PTPRG: variants seen among roughly 807,000 people sequenced by gnomAD.
PTPRG encodes protein tyrosine phosphatase receptor type G.
In PTPRG, 102 loss-of-function variants were observed where a neutral mutation model predicts 165.3. The observed-to-expected ratio is 0.62, with a 90% CI of 0.53 to 0.73. PTPRG has a LOEUF of 0.73. Among genes scored for constraint, PTPRG ranks in the 30% least tolerant of loss-of-function variants. The pLI is 0.00. For missense variants in PTPRG, 1,866 were observed against 1,861.4 expected (o/e 1.00, Z -0.05); for synonymous variants, 675 against 669.5 (o/e 1.01, Z -0.13).
rs1266402052 is a variant in PTPRG, at chr3:62,195,745, C to A, written c.1327+575C>A. On this transcript the variant is annotated intron_variant, in intron 10 of 29. Coordinates refer to ENST00000474889, the MANE Select transcript of PTPRG (RefSeq NM_002841.4). This position sits in a 1 kb window ranked among gnomAD's most constrained non-coding sequence, Gnocchi z 4.4. ...CCTTTGCTCAAAATTTTAAGGGGCA[C>A]CAAAAAATTGAGTGACCAAGAGACA... 6.6e-6 allele frequency among the ~76,000 whole-genome samples: 1 copy of A among 151,946 alleles called. No individual in the cohort carries two copies. Among genetic ancestry groups the A allele is most frequent in the African/African-American group, 2.4e-5 (1 of 41,372 alleles).
chr3:62,112,925 G>A (rs1410426989), intron 5 of PTPRG, among the ~76,000 whole-genome samples: 1 of 152,126 alleles, frequency 6.6e-6, no homozygotes, highest in East Asian at 1.9e-4. Flanking sequence ...GGTCACTTTG[G>A]GGTGTATGTC....
At chr3:62,168,715 G>C (rs1705095421) in intron 8 of PTPRG, among the ~76,000 whole-genome samples, 1 of 152,182 alleles carries the variant, frequency 6.6e-6, no homozygotes, top group South Asian at 2.1e-4. Flanking sequence ...ATGTGTCTGT[G>C]ACTCCTGAAG....
intron 4 of PTPRG, among the ~76,000 whole-genome samples, chr3:62,004,280 T>C (rs987297494): frequency 6.6e-6 from 1 of 152,208 alleles, no homozygotes; most frequent in Non-Finnish European, 1.5e-5. Flanking sequence ...GCCTTAGAAG[T>C]GTGTGGAAGA....
intron 28 of PTPRG, among the ~76,000 whole-genome samples, chr3:62,283,879 T>C (rs1702540707): frequency 6.6e-6 from 1 of 152,074 alleles, no homozygotes; most frequent in Non-Finnish European, 1.5e-5. Flanking sequence ...TGACTCTTGA[T>C]TAGTAAGGTG....
In PTPRG at chr3:62,296,273, G is replaced by C. The variant is rs2148910887; in HGVS notation, c.*2966G>C. 6.6e-6 allele frequency: 1 copy of C among 152,012 alleles called. No individual in the cohort carries two copies. Among genetic ancestry groups the C allele is most frequent in the South Asian group, 2.1e-4 (1 of 4,820 alleles). 9.4% of individuals were successfully genotyped at this position (152,012 alleles called of 1,614,324 possible). A position where few individuals can be genotyped will look rare whatever the true frequency, so the allele number is the denominator to read the frequency against. ...TTAGAGTTTTTAGTCTATTCAAGTA[G>C]AAGAGTCCAGCGAGGCCAAAGAAGG... On this transcript the variant is annotated 3_prime_UTR_variant, in exon 30 of 30. Transcript: ENST00000474889.
At chr3:62,119,654 T>G (rs1215752766) in intron 5 of PTPRG, among the ~76,000 whole-genome samples, 1 of 151,974 alleles carries the variant, frequency 6.6e-6, no homozygotes, top group East Asian at 1.9e-4. Context: ...AGAGTCTTGC[T>G]TTGTCACCCA....
In PTPRG at chr3:62,203,874, C is replaced by G. The variant is rs201045391; in HGVS notation, c.2079C>G (p.Pro693=). 1 of 1,613,574 alleles carries G rather than the reference C, an allele frequency of 6.2e-7. No homozygotes were observed. The highest frequency in any genetic ancestry group is 8.5e-7 in the Non-Finnish European group (1 of 1,179,732). The change falls in exon 12 of 30, where the codon CCC becomes CCG. Residue 693 remains proline (P), a synonymous_variant. Coordinates refer to ENST00000474889, the MANE Select transcript of PTPRG (RefSeq NM_002841.4). The surrounding 1 kb of genome is among the most constrained non-coding windows in gnomAD (Gnocchi z 6.4). The stretch of plus-strand genomic sequence containing the variant: ...ATGCAGGGAGTGATCCCAAGAGGCC[C>G]GAAATGCCATCTAAAAAGCCTATGT... ...EQYAGSDPKR[P]EMPSKKPMSR...
At chr3:61,739,632 T>G (rs2032902352) in intron 1 of PTPRG, among the ~76,000 whole-genome samples, 1 of 152,232 alleles carries the variant, frequency 6.6e-6, no homozygotes, top group Non-Finnish European at 1.5e-5. Context: ...TAATTGTACC[T>G]AAGCTACAGG....
chr3:61,710,452 A>G (rs1471947579), intron 1 of PTPRG, among the ~76,000 whole-genome samples: 4 of 152,178 alleles, frequency 2.6e-5, no homozygotes, highest in Non-Finnish European at 5.9e-5. Flanking sequence ...GAAGGCTTAG[A>G]TATAAGAGGA....
At chr3:62,248,418 T>C (rs554622904) in intron 15 of PTPRG, among the ~76,000 whole-genome samples, 3 of 152,304 alleles carry the variant, frequency 2.0e-5, no homozygotes, top group African/African-American at 7.2e-5. Flanking sequence ...TAAAGCATAA[T>C]TGAATGCAGT....
chr3:61,818,345 G>T (rs529576137), intron 2 of PTPRG, among the ~76,000 whole-genome samples: 1 of 152,268 alleles, frequency 6.6e-6, no homozygotes, highest in South Asian at 2.1e-4. Flanking sequence ...TGCCAGAATT[G>T]AAGAGAAAGA....
In PTPRG at chr3:62,081,377, C is replaced by T. The variant is rs1701575382; in HGVS notation, c.615+3119C>T. Among the ~76,000 whole-genome samples, 3 of 152,164 alleles carry T rather than the reference C, an allele frequency of 2.0e-5. No homozygotes were observed. In the South Asian group the frequency reaches 6.2e-4, roughly 32 times the overall value. On this transcript the variant is annotated intron_variant, in intron 5 of 29. Coordinates refer to ENST00000474889, the MANE Select transcript of PTPRG (RefSeq NM_002841.4). ...TTTATTTATTTAGATACAAATCTCC[C>T]TGTTGCCCAGGCGGAAGTGTAGTGG...
chr3:61,889,540 G>A (rs192355806), intron 2 of PTPRG, among the ~76,000 whole-genome samples: 2 of 152,292 alleles, frequency 1.3e-5, no homozygotes, highest in Non-Finnish European at 2.9e-5. Context: ...CCATTAAAGT[G>A]TTGCCGTGTT....
At position 62,003,351 on chromosome 3, in the gene PTPRG, G is replaced by T. The variant is rs772283947; in HGVS notation, c.373G>T (p.Ala125Ser). 6.2e-7 allele frequency: 1 copy of T among 1,613,208 alleles called. No individual in the cohort carries two copies. ...TWMKNTGKTV[A>S]ILLKDDYFVS... is the part of the protein sequence containing the mutation. Reference sequence around the variant, plus strand: ...CTCTTCTCATTTGTTTCACACAGTCGCCATCCTTCTGAAAGACGACTATTT... The same window carrying T: ...CTCTTCTCATTTGTTTCACACAGTCTCCATCCTTCTGAAAGACGACTATTT... The change falls in exon 4 of 30, where the codon GCC (alanine) becomes TCC (serine). Residue 125 changes from alanine (A) to serine (S), a missense_variant and splice_region_variant. Physicochemically the swap from Ala to Ser is moderately conservative, Grantham distance 99 (BLOSUM62 1). Around this residue, in one of 3 missense-constraint regions of PTPRG, gnomAD observed 408 missense variants for 376.2 expected, o/e 1.08. Transcript: ENST00000474889.
intron 25 of PTPRG, 76 bp from the exon 26 acceptor site, chr3:62,277,475 A>C (rs555667256): frequency 6.7e-6 from 10 of 1,494,202 alleles, no homozygotes; most frequent in African/African-American, 1.4e-5. Flanking sequence ...ATCTTATTTC[A>C]TGAATATATT....
At chr3:61,997,876 G>T (rs1488937764) in intron 3 of PTPRG, among the ~76,000 whole-genome samples, 1 of 152,158 alleles carries the variant, frequency 6.6e-6, no homozygotes, top group African/African-American at 2.4e-5. Flanking sequence ...AGGAGTCCCA[G>T]GGCAACCCTC....
chr3:61,726,018 G>A (rs1403182315), intron 1 of PTPRG, among the ~76,000 whole-genome samples: 1 of 152,180 alleles, frequency 6.6e-6, no homozygotes, highest in African/African-American at 2.4e-5. Flanking sequence ...GCACTGCTGA[G>A]TGTTAGTTGG....
chr3:62,037,529 G>A (rs140126513), intron 4 of PTPRG, among the ~76,000 whole-genome samples: 8 of 152,256 alleles, frequency 5.3e-5, no homozygotes, highest in Admixed American at 1.3e-4. Flanking sequence ...GGGCAAAATC[G>A]TCTCCATTTG....
intron 2 of PTPRG, among the ~76,000 whole-genome samples, chr3:61,938,189 A>G (rs1389006039): frequency 6.8e-6 from 1 of 147,592 alleles, no homozygotes; most frequent in African/African-American, 2.5e-5. Context: ...AAGCTTTAAC[A>G]TGTATGTTTG....
Sources: allele counts gnomAD v4.1 joint callset (sites outside exome capture counted in the v4.1 genomes callset), GRCh38; gene constraint gnomAD v4.1.1; regional missense constraint gnomAD v4.1.1; non-coding constraint Gnocchi (gnomAD v3.1); transcripts MANE v1.5; gene names NCBI Gene and HGNC (gene_info 2026-07-23, HGNC 2026-07-21).